The following USF3 variants were observed in gnomAD, a reference collection of about 807,000 sequenced individuals.
The protein encoded by USF3 is upstream transcription factor family member 3, also known as basic helix-loop-helix domain-containing protein USF3.
In USF3, 29 loss-of-function variants were observed where a neutral mutation model predicts 157.5. The observed-to-expected ratio is 0.18, with a 90% CI of 0.14 to 0.25. The LOEUF (loss-of-function observed/expected upper bound fraction) is 0.25. Ranked by LOEUF, USF3 falls within the 10% of genes least tolerant of loss-of-function variation. The pLI, the probability that USF3 is intolerant of heterozygous loss-of-function variation, is 1.00. For missense variants in USF3, 2,381 were observed against 2,667.6 expected, an observed-to-expected ratio of 0.89 and a Z score of 2.37; for synonymous variants, 893 against 941.4, an observed-to-expected ratio of 0.95 and a Z score of 0.94.
intron 5 of USF3, among the ~76,000 whole-genome samples, chr3:113,666,606 CTG>C (rs1429877574): frequency 7.7e-6 from 1 of 129,538 alleles, no homozygotes; most frequent in Non-Finnish European, 1.6e-5. Flanking sequence ...GACTCCTGCT[CTG>C]TCGCCCGGGC....
rs1489507010 is a variant in USF3, at chr3:113,659,848, C to T, written c.1834G>A (p.Val612Ile). 2.5e-6 allele frequency: 4 copies of T among 1,614,182 alleles called. No individual in the cohort carries two copies. Among genetic ancestry groups the T allele is most frequent in the Admixed American group, 3.3e-5 (2 of 60,016 alleles). ...VRLPINGANT[V>I]IGSNNSVQNV... ...TGCACTGAATTATTAGACCCTATTA[C>T]AGTATTGGCTCCATTGATGGGGAGT... Residue 612 changes from valine to isoleucine, a missense_variant, in exon 7 of 7, where the codon GTA becomes ATA. Physicochemically the swap from Val to Ile is conservative, Grantham distance 29. Coordinates refer to ENST00000316407, the MANE Select transcript of USF3 (RefSeq NM_001009899.4).
At position 113,659,322 on chromosome 3, in the gene USF3, A is replaced by T; in HGVS notation, c.2360T>A (p.Leu787Ter). ...CAACCTTTTAGATTTCATGTTAGGC[A>T]AACAAGCAACAGTGTTCATTGAGGA... ...STSSMNTVACLPNMKSKRLNK... is the reference protein window; with the variant it reads ...STSSMNTVAC The change falls in exon 7 of 7, where the codon TTG becomes TAG. Residue 787 changes from leucine to a stop codon, truncating the protein, a stop_gained. Coordinates refer to ENST00000316407, the MANE Select transcript of USF3 (RefSeq NM_001009899.4). LOFTEE classifies it high-confidence loss of function. 1 of 1,614,246 alleles carries T rather than the reference A, an allele frequency of 6.2e-7. No homozygotes were observed. Among genetic ancestry groups the T allele is most frequent in the Non-Finnish European group, 8.5e-7 (1 of 1,180,044 alleles).
Position 113,658,122 on chromosome 3 carries a change from C to T in USF3, c.3560G>A (p.Gly1187Glu), listed in dbSNP as rs1398077483. 1 of 1,613,994 alleles carries T rather than the reference C, an allele frequency of 6.2e-7. No individual in the cohort carries two copies. The highest frequency in any genetic ancestry group is 1.3e-5 in the African/African-American group (1 of 74,886). The stretch of plus-strand genomic sequence containing the variant: ...TTCATTTGGTGTTGCTTCTGCCTGT[C>T]CTGTGCCACTCTCTTTAGGTATCTG... ...KSQIPKESGT[G>E]QAEATPNEFN... The change falls in exon 7 of 7, where the codon GGA becomes GAA. Residue 1187 changes from glycine to glutamate, a missense_variant. Transcript: ENST00000316407.
At chr3:113,674,703 T>C in intron 3 of USF3, 129 bp downstream of exon 3, 1 of 761,940 alleles carries the variant, frequency 1.3e-6, no homozygotes, top group South Asian at 1.4e-5. Context: ...CTACAAATAT[T>C]TTTGGAGAGT....
In USF3 at chr3:113,680,053, C is replaced by CTTTTTTTTTTTTTTTTT. The variant is rs71131103; in HGVS notation, c.-134-2673_-134-2657dup. Among the ~76,000 whole-genome samples the CTTTTTTTTTTTTTTTTT allele has an allele frequency of 1.9e-3, 113 of 58,632 alleles. 1 individual carries two copies. The highest frequency in any genetic ancestry group is 3.1e-3 in the South Asian group (4 of 1,294). The allele number at this position is 58,632 out of a possible 152,430, so 38.5% of individuals were successfully genotyped here. ...ACCACAGATATTGGCCTGTAGTTTT[C>CTTTTTTTTTTTTTTTTT]TTTTTTTTTTTTTTTTTTTTTTTTG... On this transcript the variant is annotated intron_variant, in intron 1 of 6. Transcript: ENST00000316407.
intron 5 of USF3, among the ~76,000 whole-genome samples, chr3:113,665,010 G>C (rs1415151601): frequency 6.6e-6 from 1 of 152,182 alleles, no homozygotes; most frequent in Non-Finnish European, 1.5e-5. Context: ...AGAAATTAAA[G>C]TTACCCAGTC....
Position 113,656,557 on chromosome 3 carries a change from T to A in USF3, c.5125A>T (p.Asn1709Tyr). 6.2e-7 allele frequency: 1 copy of A among 1,614,246 alleles called. No homozygotes were observed. Among genetic ancestry groups the A allele is most frequent in the African/African-American group, 1.3e-5 (1 of 75,062 alleles). ...EMRSYLDVPRNKSLAIHNMQG... is the reference protein window; with the variant it reads ...EMRSYLDVPRYKSLAIHNMQG... Reference sequence around the variant, plus strand: ...ATATTATGAATAGCCAAACTCTTATTTCTGGGAACATCAAGATAGCTTCTC... The same window carrying A: ...ATATTATGAATAGCCAAACTCTTATATCTGGGAACATCAAGATAGCTTCTC... The change falls in exon 7 of 7, where the codon AAT becomes TAT. Residue 1709 changes from asparagine (N) to tyrosine (Y), a missense_variant. Around this residue, in one of 6 missense-constraint regions of USF3, gnomAD observed 770 missense variants for 824.2 expected, o/e 0.93. Coordinates refer to ENST00000316407, the MANE Select transcript of USF3 (RefSeq NM_001009899.4).
Position 113,657,485 on chromosome 3 carries a change from T to C in USF3, c.4197A>G (p.Thr1399=), listed in dbSNP as rs751613927. ...VSNPAHGDGL[T]RLFPPSNNFV... ...AGTTGTTACTAGGTGGAAATAATCG[T>C]GTAAGGCCATCTCCATGAGCTGGGT... Residue 1399 remains threonine (T), a synonymous_variant, in exon 7 of 7, where the codon ACA becomes ACG. Transcript: ENST00000316407. 1.2e-6 allele frequency: 2 copies of C among 1,614,096 alleles called. No individual in the cohort carries two copies. Among genetic ancestry groups the C allele is most frequent in the Non-Finnish European group, 1.7e-6 (2 of 1,180,032 alleles).
At chr3:113,679,262 C>CA (rs1707355799) in intron 1 of USF3, among the ~76,000 whole-genome samples, 1 of 152,124 alleles carries the variant, frequency 6.6e-6, no homozygotes, top group Non-Finnish European at 1.5e-5. Context: ...ATCAAAATCA[C>CA]AGTTTTCAAA....
chr3:113,681,724 A>AT (rs1204782097), intron 1 of USF3, among the ~76,000 whole-genome samples: 5,078 of 143,906 alleles, frequency 0.035, 324 homozygotes, highest in African/African-American at 0.12. Context: ...TAAAAAAAAA[A>AT]TTTTTTTTTT....
Position 113,661,415 on chromosome 3 carries a change from T to C in USF3, c.267A>G (p.Ile89Met). The C allele has an allele frequency of 6.4e-7, 1 of 1,552,252 alleles. No homozygotes were observed. The highest frequency in any genetic ancestry group is 8.7e-7 in the Non-Finnish European group (1 of 1,154,170). ...CTTCCAGTTGTTTCCGTAGCTTTTT[T>C]ATTTCTTCAGCTATAATATTAAAAA... Reference protein sequence around the residue: ...NGGNNEQAEEIKKLRKQLEEI... With the variant: ...NGGNNEQAEEMKKLRKQLEEI... Residue 89 changes from isoleucine to methionine, a missense_variant, in exon 7 of 7, where the codon ATA becomes ATG. Around this residue, in one of 6 missense-constraint regions of USF3, gnomAD observed 105 missense variants for 158.6 expected, o/e 0.66. Coordinates refer to ENST00000316407, the MANE Select transcript of USF3 (RefSeq NM_001009899.4).
At chr3:113,690,620 G>C (rs1180702420) in intron 1 of USF3, among the ~76,000 whole-genome samples, 3 of 152,106 alleles carry the variant, frequency 2.0e-5, no homozygotes, top group African/African-American at 7.2e-5. Flanking sequence ...CGCCTTATCA[G>C]CTACTTCACT....
At chr3:113,674,724 T>A (rs1039816819) in intron 3 of USF3, 108 bp downstream of exon 3, 24 of 820,662 alleles carry the variant, frequency 2.9e-5, no homozygotes, top group Non-Finnish European at 4.3e-5. Context: ...AATAATTTCC[T>A]CGGTATCTAA....
At position 113,655,603 on chromosome 3, in the gene USF3, G is replaced by T. The variant is rs748831747; in HGVS notation, c.6079C>A (p.Gln2027Lys). 1.9e-6 allele frequency: 3 copies of T among 1,614,100 alleles called. No homozygotes were observed. In the South Asian group the frequency reaches 3.3e-5, roughly 18 times the overall value. The change falls in exon 7 of 7, where the codon CAA becomes AAA. Residue 2027 changes from glutamine to lysine, a missense_variant. Coordinates refer to ENST00000316407, the MANE Select transcript of USF3 (RefSeq NM_001009899.4). ...STGGSMILGR[Q>K]QPATEKRGSI... is the part of the protein sequence containing the mutation. ...CCTCTCTTCTCTGTGGCAGGTTGTTGACGTCCAAGAATCATACTGCCACCA... is the reference window on the plus strand; with the variant it reads ...CCTCTCTTCTCTGTGGCAGGTTGTTTACGTCCAAGAATCATACTGCCACCA...
rs1240772170 is a variant in USF3 at position 113,683,082 on chromosome 3, T to C, written c.-134-5685A>G. 4.6e-5 allele frequency among the ~76,000 whole-genome samples: 7 copies of C among 152,030 alleles called. No homozygotes were observed. In the East Asian group the frequency reaches 1.3e-3, roughly 29 times the overall value. On this transcript the variant is annotated intron_variant, in intron 1 of 6. Coordinates refer to ENST00000316407, the MANE Select transcript of USF3 (RefSeq NM_001009899.4). ...GTCAGTGTTTTTCTCTGGTGGTACG[T>C]TTTAATTTCTTGCTTTATACATGTT...
rs1044856860 is a variant in USF3, at chr3:113,654,355, T to C, written c.*589A>G. 6.5e-6 allele frequency: 1 copy of C among 152,688 alleles called. No individual in the cohort carries two copies. The highest frequency in any genetic ancestry group is 6.5e-5 in the Admixed American group (1 of 15,284). 9.5% of individuals were successfully genotyped at this position (152,688 alleles called of 1,614,324 possible). A position where few individuals can be genotyped will look rare whatever the true frequency, so the allele number is the denominator to read the frequency against. On this transcript the variant is annotated 3_prime_UTR_variant, in exon 7 of 7. Transcript: ENST00000316407. ...AAAATTCAGATAATTTATGCATTGT[T>C]ATAATTTAGAAAGAAGCCTGTATCT...
chr3:113,672,591 T>C (rs1246672171), intron 4 of USF3, among the ~76,000 whole-genome samples: 2 of 151,732 alleles, frequency 1.3e-5, no homozygotes, highest in East Asian at 3.8e-4. Flanking sequence ...TTTCTAAGAG[T>C]AGATTTTGTA....
chr3:113,652,978 GA>G lies in USF3; in HGVS notation c.*1965del. 15 of 1,085,152 alleles carry G rather than the reference GA, an allele frequency of 1.4e-5. No individual in the cohort carries two copies. Among genetic ancestry groups the G allele is most frequent in the Admixed American group, 2.2e-5 (1 of 44,836 alleles). 67.2% of individuals were successfully genotyped at this position (1,085,152 alleles called of 1,614,324 possible). A position where few individuals can be genotyped will look rare whatever the true frequency, so the allele number is the denominator to read the frequency against. On this transcript the variant is annotated 3_prime_UTR_variant, in exon 7 of 7. Transcript: ENST00000316407. The stretch of plus-strand genomic sequence containing the variant: ...AATATCTCCTGAGGAAGAGGAACTT[GA>G]AAAAGGAATATTCAAGGTGCTGTTC...
Position 113,658,697 on chromosome 3 carries a change from G to A in USF3, c.2985C>T (p.Thr995=). The change falls in exon 7 of 7, where the codon ACC becomes ACT. Residue 995 remains threonine, a synonymous_variant. Coordinates refer to ENST00000316407, the MANE Select transcript of USF3 (RefSeq NM_001009899.4). ...AACCTTGCCCCTTTAAGAGACCTGT[G>A]GTTTGCATTGTATCTGATGAATCTT... The part of the protein sequence containing the change: ...VEQDSSDTMQ[T]TGLLKGQGLT... The A allele has an allele frequency of 6.2e-7, 1 of 1,613,776 alleles. No individual in the cohort carries two copies. The highest frequency in any genetic ancestry group is 1.7e-5 in the Admixed American group (1 of 59,978).
Sources: gnomAD v4.1 joint callset for allele counts (sites outside exome capture counted in the v4.1 genomes callset) on GRCh38, gnomAD v4.1.1 for gene constraint, gnomAD v4.1.1 regional missense constraint, MANE v1.5 for transcripts, NCBI Gene and HGNC (gene_info 2026-07-23, HGNC 2026-07-21) for gene names.